The following TMEM127 variants were observed in gnomAD, a reference collection of about 807,000 sequenced individuals.
The protein encoded by TMEM127 is transmembrane protein 127.
Under a neutral mutation model 20.1 loss-of-function variants are expected in TMEM127, and 21 were observed. The observed-to-expected ratio is 1.04, with a 90% CI of 0.74 to 1.50. TMEM127 has a LOEUF of 1.50. Among genes scored for constraint, TMEM127 ranks in the 40% most tolerant of loss-of-function variants. The pLI is 0.00. For synonymous variants in TMEM127, 150 were observed against 144.7 expected, an observed-to-expected ratio of 1.04 and a Z score of -0.26; for missense variants, 303 against 317.4, an observed-to-expected ratio of 0.95 and a Z score of 0.34.
intron 1 of TMEM127, 93 bp downstream of exon 1, chr2:96,265,776 G>A (rs1573978556): frequency 9.7e-6 from 2 of 206,298 alleles, no homozygotes; most frequent in South Asian, 3.5e-4. Context: ...GGGCTGGGCC[G>A]CGGGGATCGG....
intron 1 of TMEM127, 142 bp downstream of exon 1, chr2:96,265,727 T>G (rs1343843490): frequency 4.1e-6 from 1 of 246,148 alleles, no homozygotes; most frequent in Non-Finnish European, 7.7e-6. Context: ...AGACCCGGAG[T>G]CAGGGTCTCA....
intron 2 of TMEM127, among the ~76,000 whole-genome samples, chr2:96,257,550 G>C (rs1474846744): frequency 6.6e-6 from 1 of 152,178 alleles, no homozygotes; most frequent in East Asian, 1.9e-4. Context: ...GCTCCCAGAA[G>C]CATAGGGTAG....
Position 96,254,954 on chromosome 2 carries a change from G to C in TMEM127, c.288C>G (p.Ile96Met), listed in dbSNP as rs758726687. ...NPQTVLLLRV[I>M]AAFCFLGILC... ...GGATGCCCAGGAAACAGAAGGCGGC[G>C]ATGACCCGCAGGAGCAGCACTGTCT... Residue 96 changes from isoleucine to methionine, a missense_variant, in exon 3 of 4, where the codon ATC becomes ATG. By Grantham distance (10) the Ile-to-Met change is conservative (BLOSUM62 1). Transcript: ENST00000258439. The C allele has an allele frequency of 2.5e-6, 4 of 1,614,134 alleles. No individual in the cohort carries two copies. The African/African-American group carries it at 5.3e-5, about 22-fold the overall frequency.
intron 2 of TMEM127, among the ~76,000 whole-genome samples, chr2:96,261,066 C>CT (rs1684303640): frequency 6.6e-6 from 1 of 152,218 alleles, no homozygotes. Context: ...CCCCAACTTC[C>CT]TCATTCTCCA....
At position 96,252,800 on chromosome 2, in the gene TMEM127, CCA is replaced by C. The variant is rs1684120325; in HGVS notation, c.*1006_*1007del. 1 of 233,852 alleles carries C rather than the reference CCA, an allele frequency of 4.3e-6. No homozygotes were observed. Among genetic ancestry groups the C allele is most frequent in the African/African-American group, 2.2e-5 (1 of 45,346 alleles). 14.5% of individuals were successfully genotyped at this position (233,852 alleles called of 1,614,324 possible). On this transcript the variant is annotated 3_prime_UTR_variant, in exon 4 of 4. Transcript: ENST00000258439. The surrounding 1 kb of genome is among the most constrained non-coding windows in gnomAD (Gnocchi z 4.2). ...GCACCACGCTGGCCCGCCAGCCAGG[CCA>C]CAGTCCTCAGCCCCTCTGGGTTCCA...
intron 3 of TMEM127, 69 bp downstream of exon 3, chr2:96,254,764 G>A (rs988943058): frequency 5.6e-5 from 90 of 1,599,676 alleles, no homozygotes; most frequent in Non-Finnish European, 7.4e-5. Flanking sequence ...AGCCCCCACC[G>A]GCAACTCAGA....
chr2:96,263,424 G>A (rs1304874225), intron 2 of TMEM127, among the ~76,000 whole-genome samples: 4 of 149,924 alleles, frequency 2.7e-5, no homozygotes, highest in Non-Finnish European at 4.4e-5. Context: ...GCGCAATGGC[G>A]CGATCTCAGC....
intron 2 of TMEM127, among the ~76,000 whole-genome samples, chr2:96,256,097 C>CCCGT (rs1389363197): frequency 6.6e-6 from 1 of 151,424 alleles, no homozygotes; most frequent in Admixed American, 6.6e-5. Flanking sequence ...ATGGTGAAAC[C>CCCGT]CCGTCTCTAC....
intron 2 of TMEM127, among the ~76,000 whole-genome samples, chr2:96,258,321 G>A (rs962518683): frequency 6.6e-6 from 1 of 152,214 alleles, no homozygotes; most frequent in Non-Finnish European, 1.5e-5. Flanking sequence ...GAAAGTCCAG[G>A]AACCTGGGGA....
intron 2 of TMEM127, among the ~76,000 whole-genome samples, chr2:96,256,816 A>C (rs769583132): frequency 6.6e-6 from 1 of 152,122 alleles, no homozygotes; most frequent in Non-Finnish European, 1.5e-5. Flanking sequence ...CCCACACAAA[A>C]AGAAAGGGAG....
At chr2:96,263,231 T>A (rs1684346761) in intron 2 of TMEM127, among the ~76,000 whole-genome samples, 1 of 151,794 alleles carries the variant, frequency 6.6e-6, no homozygotes, top group Non-Finnish European at 1.5e-5. Context: ...ATTTTTGTAT[T>A]TTTAGTAGAG....
In TMEM127 at chr2:96,265,188, T is replaced by C. The variant is rs1239429978; in HGVS notation, c.194A>G (p.Glu65Gly). The C allele has an allele frequency of 1.9e-6, 3 of 1,610,140 alleles. No homozygotes were observed. In the Admixed American group the frequency reaches 5.0e-5, roughly 27 times the overall value. ...GCCCAACACGTCGGAGACCCCCAGC[T>C]CCTGGCGCGAACAGGTGCCTCCGTG... is the stretch of plus-strand genomic sequence containing the variant. ...HIHGGTCSRQ[E>G]LGVSDVLGYV... Residue 65 changes from glutamate to glycine, a missense_variant, in exon 2 of 4, where the codon GAG becomes GGG. Transcript: ENST00000258439.
At position 96,263,127 on chromosome 2, in the gene TMEM127, A is replaced by G. The variant is rs751403120; in HGVS notation, c.244+2011T>C. Among the ~76,000 whole-genome samples, 21 of 147,496 alleles carry G rather than the reference A, an allele frequency of 1.4e-4. No individual in the cohort carries two copies. The Middle Eastern group carries it at 0.011, about 76-fold the overall frequency. On this transcript the variant is annotated intron_variant, in intron 2 of 3. Transcript: ENST00000258439. ...AGTGCAGTGGTGTGATCTTGGGCTC[A>G]CTGCAACTCCTCTACTTCCTGGGTT... is the stretch of plus-strand genomic sequence containing the variant.
At chr2:96,255,403 C>G (rs983303757) in intron 2 of TMEM127, among the ~76,000 whole-genome samples, 1 of 152,230 alleles carries the variant, frequency 6.6e-6, no homozygotes, top group African/African-American at 2.4e-5. Flanking sequence ...CCATACAGGT[C>G]AATTAATGCT....
chr2:96,249,835 G>A lies in TMEM127; in HGVS notation c.*3973C>T. The A allele has an allele frequency of 4.3e-6, 1 of 233,256 alleles. No homozygotes were observed. The highest frequency in any genetic ancestry group is 2.2e-5 in the African/African-American group (1 of 45,460). The allele number at this position is 233,256 out of a possible 1,614,324, so 14.4% of individuals were successfully genotyped here. On this transcript the variant is annotated 3_prime_UTR_variant, in exon 4 of 4. Transcript: ENST00000258439. ...AAGATTCTCTAGTCATCTTGGGAAA[G>A]CCGCCCTGCCCCAGATGCACCACCT...
intron 2 of TMEM127, among the ~76,000 whole-genome samples, chr2:96,264,458 G>A (rs1287395077): frequency 1.3e-5 from 2 of 152,230 alleles, no homozygotes; most frequent in Non-Finnish European, 2.9e-5. Flanking sequence ...ATACAGTCCA[G>A]TCCTGTCCTC....
intron 2 of TMEM127, among the ~76,000 whole-genome samples, chr2:96,263,491 T>C (rs755760932): frequency 1.3e-5 from 2 of 152,072 alleles, no homozygotes; most frequent in African/African-American, 2.4e-5. Context: ...GCCTCCCAAG[T>C]AGCTGGAATT....
In TMEM127 at chr2:96,252,863, G is replaced by A. The variant is rs1440325323; in HGVS notation, c.*945C>T. 2 of 233,760 alleles carry A rather than the reference G, an allele frequency of 8.6e-6. No individual in the cohort carries two copies. Among genetic ancestry groups the A allele is most frequent in the African/African-American group, 2.2e-5 (1 of 45,330 alleles). The allele number at this position is 233,760 out of a possible 1,614,324, so 14.5% of individuals were successfully genotyped here. On this transcript the variant is annotated 3_prime_UTR_variant, in exon 4 of 4. Transcript: ENST00000258439. This position sits in a 1 kb window ranked among gnomAD's most constrained non-coding sequence, Gnocchi z 4.2. ...CCAGGGAGTCACCGTCACTGAGAGG[G>A]AAGGGGCCAGGGAAGGGAGGCTGCA... is the stretch of plus-strand genomic sequence containing the variant.
chr2:96,252,807 C>A lies in TMEM127; in HGVS notation c.*1001G>T, dbSNP rs1257856638. On this transcript the variant is annotated 3_prime_UTR_variant, in exon 4 of 4. Transcript: ENST00000258439. This position sits in a 1 kb window ranked among gnomAD's most constrained non-coding sequence, Gnocchi z 4.2. Reference sequence around the variant, plus strand: ...GCTGGCCCGCCAGCCAGGCCACAGTCCTCAGCCCCTCTGGGTTCCACGAGA... The same window carrying A: ...GCTGGCCCGCCAGCCAGGCCACAGTACTCAGCCCCTCTGGGTTCCACGAGA... 2 of 233,852 alleles carry A rather than the reference C, an allele frequency of 8.6e-6. No homozygotes were observed. The highest frequency in any genetic ancestry group is 1.7e-5 in the Non-Finnish European group (2 of 118,296). 14.5% of individuals were successfully genotyped at this position (233,852 alleles called of 1,614,324 possible).
Sources: gnomAD v4.1 joint callset for allele counts (sites outside exome capture counted in the v4.1 genomes callset) on GRCh38, gnomAD v4.1.1 for gene constraint, Gnocchi (gnomAD v3.1) non-coding constraint, MANE v1.5 for transcripts, NCBI Gene and HGNC (gene_info 2026-07-23, HGNC 2026-07-21) for gene names.